The following ANKRD27 variants were observed in gnomAD, a reference collection of about 807,000 sequenced individuals.
The protein encoded by ANKRD27 is ankyrin repeat domain 27, also known as ankyrin repeat domain-containing protein 27.
In ANKRD27, 112 loss-of-function variants were observed where a neutral mutation model predicts 129.7. The observed-to-expected ratio is 0.86, with a 90% CI of 0.74 to 1.01. The LOEUF (loss-of-function observed/expected upper bound fraction) is 1.01. Ranked by LOEUF, ANKRD27 falls within the 50% of genes least tolerant of loss-of-function variation. The pLI is 0.00. For synonymous variants in ANKRD27, 516 were observed against 511.2 expected (o/e 1.01, Z -0.13); for missense variants, 1,258 against 1,300.5 (o/e 0.97, Z 0.50).
chr19:32,606,095 C>A, intron 23 of ANKRD27, 141 bp from the exon 24 acceptor site: 1 of 659,390 alleles, frequency 1.5e-6, no homozygotes, highest in Non-Finnish European at 2.2e-6. Context: ...GTTTGATATT[C>A]TTTTGACTTG....
chr19:32,617,874 C>A (rs958814150), intron 20 of ANKRD27, among the ~76,000 whole-genome samples: 2 of 151,934 alleles, frequency 1.3e-5, no homozygotes, highest in African/African-American at 4.8e-5. Context: ...CCTGCCTCAG[C>A]CTCCCTAGTA....
At chr19:32,635,680 G>A (rs376149676) in intron 12 of ANKRD27, among the ~76,000 whole-genome samples, 1 of 151,956 alleles carries the variant, frequency 6.6e-6, no homozygotes, top group Non-Finnish European at 1.5e-5. Context: ...CTTTTCAGAA[G>A]AGCCACAGCC....
intron 17 of ANKRD27, among the ~76,000 whole-genome samples, chr19:32,623,597 T>G (rs1171442490): frequency 6.6e-6 from 1 of 151,092 alleles, no homozygotes; most frequent in Non-Finnish European, 1.5e-5. Flanking sequence ...TCGCCTAGGC[T>G]GGAGTACAGC....
chr19:32,649,721 C>CA lies in ANKRD27; in HGVS notation c.173dup (p.Leu58PhefsTer24). 1 of 1,614,012 alleles carries CA rather than the reference C, an allele frequency of 6.2e-7. No homozygotes were observed. The highest frequency in any genetic ancestry group is 8.5e-7 in the Non-Finnish European group (1 of 1,179,952). On this transcript the variant is annotated frameshift_variant, in exon 3 of 29. Coordinates refer to ENST00000306065, the MANE Select transcript of ANKRD27 (RefSeq NM_032139.3). LOFTEE classifies it high-confidence loss of function. ...TCTGAAAATGCTCTTCCACAGGTAT[C>CA]AAAATGTAGGACTCAAACTGACAAG...
At chr19:32,656,674 A>ACTTG (rs1967543449) in intron 2 of ANKRD27, among the ~76,000 whole-genome samples, 1 of 151,834 alleles carries the variant, frequency 6.6e-6, no homozygotes, top group Non-Finnish European at 1.5e-5. Flanking sequence ...AGTCCCAGCT[A>ACTTG]CTTGGGAGGC....
chr19:32,654,284 T>C (rs776252053), intron 2 of ANKRD27, among the ~76,000 whole-genome samples: 1 of 152,152 alleles, frequency 6.6e-6, no homozygotes, highest in African/African-American at 2.4e-5. Flanking sequence ...GCAGTCAAAC[T>C]TGGTACAAGG....
intron 17 of ANKRD27, among the ~76,000 whole-genome samples, chr19:32,624,577 G>C (rs577962656): frequency 6.6e-6 from 1 of 152,222 alleles, no homozygotes; most frequent in Admixed American, 6.5e-5. Context: ...AAGGAGGGCG[G>C]GTAGGAAAAA....
At chr19:32,661,010 C>A (rs1389371401) in intron 1 of ANKRD27, among the ~76,000 whole-genome samples, 2 of 151,348 alleles carry the variant, frequency 1.3e-5, no homozygotes, top group African/African-American at 2.5e-5. Flanking sequence ...CCAGCCCAGG[C>A]AACATAGCGA....
chr19:32,621,909 C>G (rs1004701633), intron 18 of ANKRD27, among the ~76,000 whole-genome samples: 2 of 152,220 alleles, frequency 1.3e-5, no homozygotes, highest in African/African-American at 4.8e-5. Flanking sequence ...GCCCCACTGA[C>G]TCACGAGAGG....
At chr19:32,652,573 C>T (rs1276223720) in intron 2 of ANKRD27, among the ~76,000 whole-genome samples, 1 of 151,582 alleles carries the variant, frequency 6.6e-6, no homozygotes, top group Non-Finnish European at 1.5e-5. Flanking sequence ...GAAACTCCAT[C>T]CCGGGGGTAG....
At chr19:32,643,251 G>A in intron 8 of ANKRD27, 36 bp downstream of exon 8, 4 of 1,613,998 alleles carry the variant, frequency 2.5e-6, no homozygotes, top group Non-Finnish European at 3.4e-6. Flanking sequence ...CACAGAAGAA[G>A]GCTTCCATCT....
At chr19:32,633,331 GTTT>G (rs140018331) in intron 12 of ANKRD27, among the ~76,000 whole-genome samples, 464 of 122,192 alleles carry the variant, frequency 3.8e-3, no homozygotes, top group African/African-American at 7.5e-3. Flanking sequence ...TTTTTTATCT[GTTT>G]TTTTTTTTTT....
rs747175132 is a variant in ANKRD27 at position 32,600,021 on chromosome 19, C to T, written c.2797G>A (p.Glu933Lys). The change falls in exon 27 of 29, where the codon GAG becomes AAG. Residue 933 changes from glutamate to lysine, a missense_variant. Transcript: ENST00000306065. ...WNSKLYDLPD[E>K]PFTRQFYFVH... ...AAGTAAAACTGTCTTGTAAAAGGCT[C>T]ATCTGGTAGATCATACAGTTTTGAG... The T allele has an allele frequency of 1.2e-5, 20 of 1,612,854 alleles. No homozygotes were observed. The Admixed American group carries it at 3.3e-4, about 27-fold the overall frequency.
In ANKRD27 at chr19:32,640,388, G is replaced by A; in HGVS notation, c.905-3C>T. The A allele has an allele frequency of 6.2e-7, 1 of 1,613,290 alleles. No homozygotes were observed. ...AGCACACATGGTCTCCAGGTTCACT[G>A]CAAAGGGGAAACACACATTCAATGC... On this transcript the variant is annotated splice_region_variant and splice_polypyrimidine_tract_variant and intron_variant, in intron 10 of 28. Coordinates refer to ENST00000306065, the MANE Select transcript of ANKRD27 (RefSeq NM_032139.3).
At chr19:32,621,713 G>T (rs534382534) in intron 18 of ANKRD27, among the ~76,000 whole-genome samples, 2 of 152,322 alleles carry the variant, frequency 1.3e-5, no homozygotes, top group Admixed American at 6.5e-5. Context: ...ACCTGGAGTG[G>T]AACAGAATCC....
chr19:32,598,195 C>T lies in ANKRD27; in HGVS notation c.3103G>A (p.Ala1035Thr). The change falls in exon 29 of 29, where the codon GCT (alanine) becomes ACT (threonine). Residue 1035 changes from alanine to threonine, a missense_variant. Transcript: ENST00000306065. ...EDAVVSQGPE[A>T]AGPLSTPQEV... The stretch of plus-strand genomic sequence containing the variant: ...TGGGGAGTGGAGAGGGGGCCAGCAG[C>T]CTCCGGGCCCTGGGACACGACCGCA... 6.2e-7 allele frequency: 1 copy of T among 1,614,174 alleles called. No homozygotes were observed. Among genetic ancestry groups the T allele is most frequent in the Non-Finnish European group, 8.5e-7 (1 of 1,180,040 alleles).
intron 1 of ANKRD27, among the ~76,000 whole-genome samples, chr19:32,670,815 A>T (rs1381127804): frequency 1.3e-5 from 2 of 151,856 alleles, no homozygotes; most frequent in African/African-American, 2.4e-5. Flanking sequence ...AACATGGTGA[A>T]ACCCTGTCTC....
intron 13 of ANKRD27, among the ~76,000 whole-genome samples, chr19:32,629,395 C>G (rs1200984499): frequency 6.6e-6 from 1 of 151,778 alleles, no homozygotes; most frequent in Non-Finnish European, 1.5e-5. Flanking sequence ...TAAAAGTTTC[C>G]CATAATTAAA....
intron 17 of ANKRD27, among the ~76,000 whole-genome samples, chr19:32,624,808 T>C (rs1470270622): frequency 2.0e-5 from 3 of 151,272 alleles, no homozygotes; most frequent in African/African-American, 7.3e-5. Flanking sequence ...GGCATGGTGG[T>C]GTGTACCTTT....
Sources: gnomAD v4.1 joint callset for allele counts (sites outside exome capture counted in the v4.1 genomes callset) on GRCh38, gnomAD v4.1.1 for gene constraint, MANE v1.5 for transcripts, NCBI Gene and HGNC (gene_info 2026-07-23, HGNC 2026-07-21) for gene names.